Variants in CA5A observed in about 807,000 individuals in gnomAD.
CA5A encodes carbonic anhydrase 5A, also known as carbonic anhydrase 5A, mitochondrial.
A neutral mutation model predicts 37.1 loss-of-function variants in CA5A; 28 were observed. The observed-to-expected ratio is 0.75, with a 90% confidence interval of 0.56 to 1.03. The LOEUF is 1.03. Among genes scored for constraint, CA5A ranks in the 50% least tolerant of loss-of-function variants. The probability of loss-of-function intolerance (pLI) is 0.00; values close to 1 mark genes in which losing one functional copy is unlikely to be tolerated. For synonymous variants in CA5A, 171 were observed against 158.4 expected (o/e 1.08, Z -0.60); for missense variants, 444 against 399.9 (o/e 1.11, Z -0.94).
intron 5 of CA5A, among the ~76,000 whole-genome samples, chr16:87,896,439 A>C (rs1489316979): frequency 6.6e-6 from 1 of 152,192 alleles, no homozygotes; most frequent in Non-Finnish European, 1.5e-5. Context: ...GCTCCCCCTC[A>C]GGGCCCCCAA....
chr16:87,897,425 G>A (rs2055820569), intron 5 of CA5A, among the ~76,000 whole-genome samples: 1 of 152,172 alleles, frequency 6.6e-6, no homozygotes, highest in African/African-American at 2.4e-5. Flanking sequence ...GGGGTCACCA[G>A]GACCACACTG....
intron 2 of CA5A, among the ~76,000 whole-genome samples, chr16:87,918,211 T>C (rs2056181461): frequency 6.6e-6 from 1 of 152,234 alleles, no homozygotes; most frequent in African/African-American, 2.4e-5. Context: ...TCTCCCAGAA[T>C]GGTGCCAAGT....
At chr16:87,902,752 A>T (rs80065552) in intron 3 of CA5A, among the ~76,000 whole-genome samples, 1 of 66,896 alleles carries the variant, frequency 1.5e-5, no homozygotes, top group Non-Finnish European at 2.9e-5. Context: ...TAAAAATACA[A>T]AAAAAAAAAA....
chr16:87,894,072 A>G (rs2055765822), intron 5 of CA5A, among the ~76,000 whole-genome samples: 1 of 152,222 alleles, frequency 6.6e-6, no homozygotes, highest in African/African-American at 2.4e-5. Context: ...TCTTTTGGAT[A>G]TATACCCAGA....
At chr16:87,912,179 G>C (rs1242607471) in intron 2 of CA5A, among the ~76,000 whole-genome samples, 1 of 152,134 alleles carries the variant, frequency 6.6e-6, no homozygotes, top group African/African-American at 2.4e-5. Context: ...GCACGCGACT[G>C]TAGTGCCAGC....
intron 2 of CA5A, chr16:87,924,060 A>G (rs1597581556): frequency 1.0e-6 from 1 of 985,342 alleles, no homozygotes; most frequent in Non-Finnish European, 1.2e-6. Flanking sequence ...AACCATTGGC[A>G]ACTGAATAAA....
At chr16:87,882,633 C>G (rs573224241) in intron 4 of CA5A, 1 of 152,358 alleles carries the variant, frequency 6.6e-6, no homozygotes, top group East Asian at 1.9e-4. Context: ...GTCAGTGCGA[C>G]CCACAGCGGG....
intron 5 of CA5A, among the ~76,000 whole-genome samples, chr16:87,895,844 T>A (rs1372376433): frequency 6.6e-6 from 1 of 152,202 alleles, no homozygotes; most frequent in African/African-American, 2.4e-5. Flanking sequence ...TAGAGCTGTG[T>A]CCTTTCTGAT....
intron 2 of CA5A, among the ~76,000 whole-genome samples, chr16:87,926,420 G>A (rs1224054667): frequency 6.6e-6 from 1 of 152,166 alleles, no homozygotes; most frequent in African/African-American, 2.4e-5. Context: ...CGCGCAAAGT[G>A]TTCGCATTTC....
intron 5 of CA5A, among the ~76,000 whole-genome samples, chr16:87,895,056 C>G (rs902828326): frequency 2.0e-5 from 3 of 151,934 alleles, no homozygotes; most frequent in Non-Finnish European, 2.9e-5. Flanking sequence ...TTGAGACCAG[C>G]CTAAGCAACA....
downstream of CA5A, chr16:87,883,394 A>T (rs1459706406): frequency 1.3e-5 from 2 of 148,636 alleles, no homozygotes; most frequent in Non-Finnish European, 3.0e-5. Flanking sequence ...CAGTGGCACG[A>T]TCTCGGCTCA....
intron 2 of CA5A, among the ~76,000 whole-genome samples, chr16:87,905,172 T>C (rs1360064888): frequency 1.3e-5 from 2 of 151,940 alleles, no homozygotes; most frequent in East Asian, 1.9e-4. Flanking sequence ...TGGGTGGTGG[T>C]GAGGGCCTCA....
At chr16:87,925,012 G>A (rs765736434) in intron 2 of CA5A, among the ~76,000 whole-genome samples, 4 of 152,228 alleles carry the variant, frequency 2.6e-5, no homozygotes, top group Non-Finnish European at 5.9e-5. Context: ...TCAATTTGCT[G>A]AGTGCCTAGG....
intron 2 of CA5A, among the ~76,000 whole-genome samples, chr16:87,922,697 T>A (rs1267472684): frequency 6.6e-6 from 1 of 152,254 alleles, no homozygotes; most frequent in African/African-American, 2.4e-5. Context: ...CCGGCTCTCC[T>A]GGGGACCGAC....
chr16:87,895,974 C>A (rs935374831), intron 5 of CA5A, among the ~76,000 whole-genome samples: 1 of 152,138 alleles, frequency 6.6e-6, no homozygotes, highest in Non-Finnish European at 1.5e-5. Flanking sequence ...TGCAGTGAGA[C>A]ATCAGTCTGG....
At chr16:87,894,614 C>T (rs1208439489) in intron 5 of CA5A, among the ~76,000 whole-genome samples, 1 of 151,354 alleles carries the variant, frequency 6.6e-6, no homozygotes, top group Non-Finnish European at 1.5e-5. Context: ...CACAGTGGCT[C>T]ATGCCTGTAA....
intron 5 of CA5A, among the ~76,000 whole-genome samples, chr16:87,897,661 G>A (rs1428936679): frequency 2.0e-5 from 3 of 152,212 alleles, no homozygotes; most frequent in Non-Finnish European, 2.9e-5. Context: ...GACTGCATGC[G>A]GGAGGTGGGC....
At chr16:87,927,905 C>A (rs1056286129) in intron 1 of CA5A, among the ~76,000 whole-genome samples, 1 of 151,580 alleles carries the variant, frequency 6.6e-6, no homozygotes, top group African/African-American at 2.4e-5. Context: ...GAAGAAGCAG[C>A]TGTCCCATGA....
chr16:87,915,293 C>T (rs1042567696), intron 2 of CA5A, among the ~76,000 whole-genome samples: 3 of 152,128 alleles, frequency 2.0e-5, no homozygotes, highest in African/African-American at 7.2e-5. Context: ...TCCTCCAAGG[C>T]CCAAACTGGA....
Sources: gnomAD v4.1 joint callset for allele counts (sites outside exome capture counted in the v4.1 genomes callset) on GRCh38, gnomAD v4.1.1 for gene constraint, MANE v1.5 for transcripts, NCBI Gene and HGNC (gene_info 2026-07-23, HGNC 2026-07-21) for gene names.